NXNL2: variants seen among roughly 807,000 people sequenced by gnomAD.
NXNL2 encodes the protein nucleoredoxin like 2, also known as nucleoredoxin-like protein 2.
A neutral mutation model predicts 11.1 loss-of-function variants in NXNL2; 7 were observed. The ratio of observed to expected loss-of-function variants is 0.63; its 90% CI spans 0.36 to 1.18. The LOEUF (loss-of-function observed/expected upper bound fraction) is 1.18. NXNL2 is among the 50% of genes most tolerant of loss of function. The pLI, the probability that NXNL2 is intolerant of heterozygous loss-of-function variation, is 0.02. For synonymous variants in NXNL2, 109 were observed against 101.8 expected (o/e 1.07, Z -0.42); for missense variants, 233 against 217.7 (o/e 1.07, Z -0.44).
downstream of NXNL2, among the ~76,000 whole-genome samples, chr9:88,579,912 C>T (rs1024481976): frequency 5.3e-5 from 8 of 151,956 alleles, no homozygotes; most frequent in African/African-American, 1.2e-4. Context: ...GGGTGGATCA[C>T]GAGGTCAGGA....
chr9:88,555,944 C>T (rs1168651840), intron 1 of NXNL2, among the ~76,000 whole-genome samples: 2 of 152,326 alleles, frequency 1.3e-5, no homozygotes, highest in South Asian at 2.1e-4. Flanking sequence ...GGTGCCAGCA[C>T]AGGCATGGGC....
intron 1 of NXNL2, among the ~76,000 whole-genome samples, chr9:88,563,807 A>G (rs1279026659): frequency 6.6e-6 from 1 of 151,400 alleles, no homozygotes. Flanking sequence ...TGCAGTCATC[A>G]CTCTTTCCAA....
At chr9:88,575,156 T>TC (rs928900036) in exon 3 of NXNL2, 6 of 984,916 alleles carry the variant, frequency 6.1e-6, no homozygotes, top group African/African-American at 5.2e-5. Flanking sequence ...GCAGCTGTTC[T>TC]CCCCCCGCAC....
At chr9:88,546,208 G>C (rs1382457419), downstream of NXNL2, among the ~76,000 whole-genome samples, 1 of 150,480 alleles carries the variant, frequency 6.6e-6, no homozygotes, top group Non-Finnish European at 1.5e-5. Context: ...TTAAAAGGTA[G>C]AGAAACGGCC....
rs1178542425 is a variant in NXNL2 at position 88,544,443 on chromosome 9, G to T, written c.367G>T (p.Glu123Ter). 3.2e-5 allele frequency: 50 copies of T among 1,551,858 alleles called. No homozygotes were observed. The highest frequency in any genetic ancestry group is 4.3e-5 in the Non-Finnish European group (49 of 1,147,030). The change falls in exon 2 of 2, where the codon GAG becomes TAG. Residue 123 changes from glutamate to a stop codon, truncating the protein, a stop_gained. Transcript: ENST00000375854. LOFTEE classifies it high-confidence loss of function. ...GCTTGTGATTGTGAAACAAAATGGGGAGGTCATCACCAACAAAGGGCGGAA... is the reference window on the plus strand; with the variant it reads ...GCTTGTGATTGTGAAACAAAATGGGTAGGTCATCACCAACAAAGGGCGGAA... ...PKLVIVKQNGEVITNKGRKQI... is the reference protein window; with the variant it reads ...PKLVIVKQNG
chr9:88,580,514 T>TC (rs1830397177), downstream of NXNL2, among the ~76,000 whole-genome samples: 1 of 151,654 alleles, frequency 6.6e-6, no homozygotes, highest in Admixed American at 6.6e-5. Flanking sequence ...AGCTTCTCTC[T>TC]TTTTTTTTCT....
At chr9:88,571,406 T>C (rs533552831) in intron 2 of NXNL2, among the ~76,000 whole-genome samples, 3 of 152,302 alleles carry the variant, frequency 2.0e-5, no homozygotes, top group Admixed American at 2.0e-4. Flanking sequence ...AGCTTGGAGC[T>C]ATAGGTGCTT....
intron 1 of NXNL2, among the ~76,000 whole-genome samples, chr9:88,553,536 C>T (rs376271073): frequency 8.8e-4 from 134 of 152,254 alleles, no homozygotes; most frequent in African/African-American, 3.1e-3. Context: ...GAATCTGCAT[C>T]GCTTTATTTT....
At chr9:88,537,399 A>C (rs1277275713) in intron 1 of NXNL2, among the ~76,000 whole-genome samples, 1 of 152,116 alleles carries the variant, frequency 6.6e-6, no homozygotes, top group Non-Finnish European at 1.5e-5. Context: ...TGCTCTGGTC[A>C]AGCCTGTGAG....
At chr9:88,574,137 G>A (rs887111329) in intron 2 of NXNL2, among the ~76,000 whole-genome samples, 1 of 152,132 alleles carries the variant, frequency 6.6e-6, no homozygotes, top group Non-Finnish European at 1.5e-5. Flanking sequence ...CAAGAGAACT[G>A]AAAACATATG....
Position 88,541,876 on chromosome 9 carries a change from G to A in NXNL2, c.303-2503G>A, listed in dbSNP as rs144935526. Among the ~76,000 whole-genome samples the A allele has an allele frequency of 2.1e-3, 313 of 152,226 alleles. 3 individuals are homozygous for A. Among genetic ancestry groups the A allele is most frequent in the African/African-American group, 7.2e-3 (298 of 41,536 alleles). On this transcript the variant is annotated intron_variant, in intron 1 of 1. Coordinates refer to ENST00000375854, the MANE Select transcript of NXNL2 (RefSeq NM_001161625.2). ...CATATTGTTTTGTTTTAAATACTTT[G>A]TCATCTGCGTTACTATTTCCCATAT... is the stretch of plus-strand genomic sequence containing the variant.
chr9:88,580,151 T>A (rs1387803129), downstream of NXNL2, among the ~76,000 whole-genome samples: 1 of 144,196 alleles, frequency 6.9e-6, no homozygotes, highest in Non-Finnish European at 1.5e-5. Flanking sequence ...AAAAAAAAAA[T>A]TCTTTTTTTT....
chr9:88,578,581 G>T (rs1014765522), downstream of NXNL2, among the ~76,000 whole-genome samples: 1 of 152,234 alleles, frequency 6.6e-6, no homozygotes, highest in East Asian at 1.9e-4. Context: ...TTTTCCCTCC[G>T]GTTGGATTTC....
At chr9:88,582,589 A>ATCCTTCCT (rs111448954) in intron 1 of NXNL2, among the ~76,000 whole-genome samples, 2 of 151,148 alleles carry the variant, frequency 1.3e-5, no homozygotes, top group Non-Finnish European at 3.0e-5. Flanking sequence ...GCTTAAAACA[A>ATCCTTCCT]TCCTTCCTTC....
chr9:88,578,973 C>T (rs544610707), downstream of NXNL2, among the ~76,000 whole-genome samples: 10 of 152,336 alleles, frequency 6.6e-5, no homozygotes, highest in East Asian at 1.9e-3. Context: ...CCACTCTGCT[C>T]CCCGCCCAGG....
chr9:88,548,660 G>A (rs1162183646), downstream of NXNL2, among the ~76,000 whole-genome samples: 3 of 135,058 alleles, frequency 2.2e-5, no homozygotes, highest in Non-Finnish European at 4.5e-5. Context: ...TCCAGCCTGG[G>A]TAACAGAGCA....
chr9:88,573,827 T>G (rs752847328), intron 2 of NXNL2, among the ~76,000 whole-genome samples: 4 of 152,222 alleles, frequency 2.6e-5, no homozygotes, highest in Non-Finnish European at 5.9e-5. Context: ...GTATAGACAG[T>G]TCTCCAAAGA....
At chr9:88,553,299 T>C (rs1829967454) in intron 1 of NXNL2, among the ~76,000 whole-genome samples, 1 of 152,094 alleles carries the variant, frequency 6.6e-6, no homozygotes, top group Admixed American at 6.6e-5. Flanking sequence ...TGAGCTGAGA[T>C]TGTGCCATTG....
chr9:88,542,611 T>C lies in NXNL2; in HGVS notation c.303-1768T>C, dbSNP rs141397381. On this transcript the variant is annotated intron_variant, in intron 1 of 1. Transcript: ENST00000375854. ...GCCCCAAAAATGGTTTCTTATTGGT[T>C]TCCAATTCCATTACCATTGGTCTGA... 4.0e-3 allele frequency among the ~76,000 whole-genome samples: 608 copies of C among 152,300 alleles called. 2 individuals are homozygous for C. Among genetic ancestry groups the C allele is most frequent in the African/African-American group, 0.013 (551 of 41,570 alleles).
Sources: allele counts gnomAD v4.1 joint callset (sites outside exome capture counted in the v4.1 genomes callset), GRCh38; gene constraint gnomAD v4.1.1; transcripts MANE v1.5; gene names NCBI Gene and HGNC (gene_info 2026-07-23, HGNC 2026-07-21).